SYTL2: variants seen among roughly 807,000 people sequenced by gnomAD.
SYTL2 encodes the protein synaptotagmin-like protein 2.
A neutral mutation model predicts 198.7 loss-of-function variants in SYTL2; 165 were observed. That is an observed-to-expected ratio of 0.83 (90% CI 0.73 to 0.94). The LOEUF is 0.94. Among genes scored for constraint, SYTL2 ranks in the 40% least tolerant of loss-of-function variants. SYTL2 has a pLI of 0.00. For synonymous variants in SYTL2, 966 were observed against 917.7 expected (o/e 1.05, Z -0.95); for missense variants, 2,835 against 2,582.8 (o/e 1.10, Z -2.12).
At chr11:85,712,049 C>G (rs1245668606) in intron 12 of SYTL2, among the ~76,000 whole-genome samples, 1 of 151,994 alleles carries the variant, frequency 6.6e-6, no homozygotes, top group Non-Finnish European at 1.5e-5. Flanking sequence ...GAGTGAGCTC[C>G]TTTTAGGGTT....
At chr11:85,698,150 G>T (rs1242434079) in intron 17 of SYTL2, 72 bp from the exon 18 acceptor site, 9 of 989,714 alleles carry the variant, frequency 9.1e-6, no homozygotes, top group Non-Finnish European at 1.4e-5. Context: ...AAAGATGTCA[G>T]CCTAAAAATG....
rs1236472601 is a variant in SYTL2 at position 85,726,486 on chromosome 11, T to C, written c.2872A>G (p.Asn958Asp). 5 of 1,610,092 alleles carry C rather than the reference T, an allele frequency of 3.1e-6. No homozygotes were observed. Among genetic ancestry groups the C allele is most frequent in the South Asian group, 2.2e-5 (2 of 91,058 alleles). ...TCTTTTAGGGACATAACTTTAAAGT[T>C]GGCATTTGATTCACGAACTAGAGGT... ...DRPLVRESNANFKVMSLKERM... is the reference protein window; with the variant it reads ...DRPLVRESNADFKVMSLKERM... Residue 958 changes from asparagine (N) to aspartate (D), a missense_variant, in exon 8 of 20, where the codon AAC becomes GAC. Transcript: ENST00000359152.
chr11:85,793,065 C>T (rs1174692675), intron 1 of SYTL2, among the ~76,000 whole-genome samples: 94 of 151,866 alleles, frequency 6.2e-4, no homozygotes, highest in Middle Eastern at 6.8e-3. Context: ...TCTTTGCTAT[C>T]GTGAATAGTG....
chr11:85,756,357 C>T (rs1194332422), intron 2 of SYTL2, among the ~76,000 whole-genome samples: 2 of 152,340 alleles, frequency 1.3e-5, no homozygotes, highest in Admixed American at 1.3e-4. Flanking sequence ...TGCTTGTCAT[C>T]ATAGCTCAGT....
At chr11:85,766,927 G>T (rs2092254669) in intron 1 of SYTL2, among the ~76,000 whole-genome samples, 1 of 152,182 alleles carries the variant, frequency 6.6e-6, no homozygotes, top group Admixed American at 6.5e-5. Flanking sequence ...TTATATTCAT[G>T]ATTGCTTCAA....
At chr11:85,777,918 C>T (rs55739500) in intron 1 of SYTL2, among the ~76,000 whole-genome samples, 8,495 of 147,420 alleles carry the variant, frequency 0.058, 768 homozygotes, top group African/African-American at 0.2. Flanking sequence ...ACTCCCTATT[C>T]AAGTGATTCT....
chr11:85,851,089 G>C, the SYTL2 span, among the ~76,000 whole-genome samples: 32 of 151,744 alleles, frequency 2.1e-4, no homozygotes, highest in African/African-American at 7.3e-4. Context: ...TGACGAGTTA[G>C]TGGGTGCAGC....
At chr11:85,805,513 G>C (rs12286206) in intron 1 of SYTL2, among the ~76,000 whole-genome samples, 14,723 of 152,062 alleles carry the variant, frequency 0.097, 1,176 homozygotes, top group African/African-American at 0.22. Context: ...TTTGACTGAG[G>C]AACTTAGCTT....
At chr11:85,770,537 C>A (rs548978178) in intron 1 of SYTL2, among the ~76,000 whole-genome samples, 1 of 152,288 alleles carries the variant, frequency 6.6e-6, no homozygotes, top group South Asian at 2.1e-4. Flanking sequence ...GTATTGGCAT[C>A]CTTCTCATTT....
intron 1 of SYTL2, among the ~76,000 whole-genome samples, chr11:85,805,774 C>T (rs939661153): frequency 1.3e-5 from 2 of 152,234 alleles, no homozygotes; most frequent in African/African-American, 4.8e-5. Context: ...CCCCCTCTAA[C>T]TCAGAAGGCA....
At chr11:85,723,061 C>T (rs374239229) in intron 8 of SYTL2, among the ~76,000 whole-genome samples, 1 of 152,134 alleles carries the variant, frequency 6.6e-6, no homozygotes, top group South Asian at 2.1e-4. Context: ...ATGTCCCAGC[C>T]AAAAAACATT....
At chr11:85,717,269 A>G in intron 11 of SYTL2, 1 of 383,912 alleles carries the variant, frequency 2.6e-6, no homozygotes, top group South Asian at 3.6e-5. Flanking sequence ...TTAATATACA[A>G]CTCTCCCTCA....
chr11:85,787,496 G>A (rs1352936676), intron 1 of SYTL2, among the ~76,000 whole-genome samples: 1 of 152,102 alleles, frequency 6.6e-6, no homozygotes, highest in East Asian at 1.9e-4. Context: ...CAGTGGCAAA[G>A]TAGTGTGGAC....
intron 1 of SYTL2, among the ~76,000 whole-genome samples, chr11:85,773,319 G>C (rs905111269): frequency 6.6e-6 from 1 of 152,116 alleles, no homozygotes; most frequent in Non-Finnish European, 1.5e-5. Context: ...CATTTCTCCC[G>C]ACACAGTACC....
chr11:85,813,819 C>G (rs1011019415), upstream of SYTL2, among the ~76,000 whole-genome samples: 1 of 151,972 alleles, frequency 6.6e-6, no homozygotes. Flanking sequence ...ACCTCCCAGG[C>G]TCAAGCCATC....
intron 15 of SYTL2, 30 bp downstream of exon 15, chr11:85,707,399 G>T: frequency 6.7e-7 from 1 of 1,498,828 alleles, no homozygotes; most frequent in South Asian, 1.1e-5. Flanking sequence ...CACCATCTAG[G>T]ATTTTCCTAT....
At chr11:85,748,660 T>C (rs937532447) in intron 2 of SYTL2, among the ~76,000 whole-genome samples, 3 of 152,250 alleles carry the variant, frequency 2.0e-5, no homozygotes, top group African/African-American at 7.2e-5. Flanking sequence ...GTATGATGCC[T>C]GAAATTTCTC....
intron 13 of SYTL2, among the ~76,000 whole-genome samples, chr11:85,710,166 ACT>A (rs1247853014): frequency 6.6e-6 from 1 of 152,046 alleles, no homozygotes; most frequent in African/African-American, 2.4e-5. Flanking sequence ...AAACCCAGAC[ACT>A]CTAATCATAG....
At chr11:85,813,205 A>C (rs1276275745), upstream of SYTL2, among the ~76,000 whole-genome samples, 2 of 152,146 alleles carry the variant, frequency 1.3e-5, no homozygotes, top group African/African-American at 2.4e-5. Flanking sequence ...TATGGCTCAG[A>C]GACTAAATCT....
Sources: gnomAD v4.1 joint callset for allele counts (sites outside exome capture counted in the v4.1 genomes callset) on GRCh38, gnomAD v4.1.1 for gene constraint, MANE v1.5 for transcripts, NCBI Gene and HGNC (gene_info 2026-07-23, HGNC 2026-07-21) for gene names.